Variants in CAMK2G observed in about 807,000 individuals in gnomAD.
The protein encoded by CAMK2G is calcium/calmodulin-dependent protein kinase type II subunit gamma.
A neutral mutation model predicts 88.7 loss-of-function variants in CAMK2G; 23 were observed. The observed-to-expected ratio is 0.26, with a 90% confidence interval of 0.19 to 0.37. CAMK2G has a LOEUF of 0.37. Among genes scored for constraint, CAMK2G ranks in the 10% least tolerant of loss-of-function variants. The pLI is 1.00. For synonymous variants in CAMK2G, 263 were observed against 294.8 expected, an observed-to-expected ratio of 0.89 and a Z score of 1.11; for missense variants, 476 against 780.8, an observed-to-expected ratio of 0.61 and a Z score of 4.65.
chr10:73,821,372 C>CG (rs1157454584), intron 18 of CAMK2G, among the ~76,000 whole-genome samples: 2 of 152,126 alleles, frequency 1.3e-5, no homozygotes, highest in Non-Finnish European at 2.9e-5. Flanking sequence ...ACTTGGGGTA[C>CG]CCCTGTTCTT....
At position 73,842,721 on chromosome 10, in the gene CAMK2G, T is replaced by C. The variant is rs1049455510; in HGVS notation, c.820-180A>G. On this transcript the variant is annotated intron_variant, in intron 10 of 22. Coordinates refer to ENST00000423381, the MANE Select transcript of CAMK2G (RefSeq NM_001367534.1). The surrounding 1 kb of genome is among the most constrained non-coding windows in gnomAD (Gnocchi z 4.6). Reference sequence around the variant, plus strand: ...TTAGAATAAAAGCACTACCCGAAACTCAAGGTTACATAAGGACAACATGAA... The same window carrying C: ...TTAGAATAAAAGCACTACCCGAAACCCAAGGTTACATAAGGACAACATGAA... 2.6e-5 allele frequency among the ~76,000 whole-genome samples: 4 copies of C among 152,046 alleles called. No individual in the cohort carries two copies. The South Asian group carries it at 6.2e-4, about 24-fold the overall frequency.
chr10:73,839,963 C>T lies in CAMK2G; in HGVS notation c.947-362G>A, dbSNP rs916106420. 2.6e-5 allele frequency among the ~76,000 whole-genome samples: 4 copies of T among 152,190 alleles called. No homozygotes were observed. The highest frequency in any genetic ancestry group is 1.9e-4 in the East Asian group (1 of 5,184). On this transcript the variant is annotated intron_variant, in intron 12 of 22. Transcript: ENST00000423381. The surrounding 1 kb of genome is among the most constrained non-coding windows in gnomAD (Gnocchi z 4.2). The stretch of plus-strand genomic sequence containing the variant: ...GCCCTAGCTTAAGGCTGTGATGAAA[C>T]GCCCTCCCTTCTAGTCCTTCCCTCC...
intron 2 of CAMK2G, among the ~76,000 whole-genome samples, chr10:73,865,880 C>A (rs1362220386): frequency 6.6e-6 from 1 of 151,996 alleles, no homozygotes; most frequent in East Asian, 1.9e-4. Context: ...CAGCCCAGCC[C>A]CCCCCTTCCT....
intron 15 of CAMK2G, among the ~76,000 whole-genome samples, chr10:73,827,636 G>A (rs563481639): frequency 5.9e-5 from 9 of 152,286 alleles, no homozygotes; most frequent in Non-Finnish European, 1.0e-4. Flanking sequence ...GGATTTGCAC[G>A]GGGGCAGAGC....
At chr10:73,843,577 A>G (rs965225582) in intron 10 of CAMK2G, among the ~76,000 whole-genome samples, 75 of 152,120 alleles carry the variant, frequency 4.9e-4, no homozygotes, top group African/African-American at 1.7e-3. Context: ...CCAGAACAGA[A>G]TATTTCCCCC....
chr10:73,858,672 G>A (rs2095217944), intron 3 of CAMK2G, among the ~76,000 whole-genome samples: 1 of 152,226 alleles, frequency 6.6e-6, no homozygotes, highest in Non-Finnish European at 1.5e-5. Context: ...TGGCCTCTGA[G>A]CAGACGGCCA....
At chr10:73,832,383 C>T (rs960901304) in intron 14 of CAMK2G, among the ~76,000 whole-genome samples, 10 of 151,896 alleles carry the variant, frequency 6.6e-5, no homozygotes, top group East Asian at 1.9e-4. Context: ...CTTGGCTCAC[C>T]GCAACCTCCG....
chr10:73,868,094 TG>T (rs1203775544), intron 2 of CAMK2G, among the ~76,000 whole-genome samples: 2 of 152,152 alleles, frequency 1.3e-5, no homozygotes, highest in African/African-American at 4.8e-5. Context: ...AGGCCCTTGT[TG>T]GTCTGCCAAA....
Position 73,874,466 on chromosome 10 carries a change from G to A in CAMK2G, c.-5C>T. ...GCAGGTGGCGGTGGTGGCCATGCTG[G>A]CGGGCGGGCGGACGCGGCGGTGCAG... On this transcript the variant is annotated 5_prime_UTR_variant, in exon 1 of 23. Transcript: ENST00000423381. The A allele has an allele frequency of 6.7e-7, 1 of 1,494,530 alleles. No individual in the cohort carries two copies. Among genetic ancestry groups the A allele is most frequent in the Non-Finnish European group, 9.0e-7 (1 of 1,111,546 alleles). The allele number at this position is 1,494,530 out of a possible 1,614,324, so 92.6% of individuals were successfully genotyped here. A position where few individuals can be genotyped will look rare whatever the true frequency, so the allele number is the denominator to read the frequency against.
intron 20 of CAMK2G, 26 bp downstream of exon 20, chr10:73,817,453 A>C (rs768747078): frequency 1.3e-6 from 2 of 1,502,930 alleles, no homozygotes; most frequent in Non-Finnish European, 1.9e-6. Context: ...GACTTAGGTC[A>C]CAAAAAAAAA....
At chr10:73,852,524 C>T (rs1239691439) in intron 4 of CAMK2G, 1 of 558,744 alleles carries the variant, frequency 1.8e-6, no homozygotes, top group Non-Finnish European at 3.2e-6. Context: ...TCCCTTCCTT[C>T]CGGACATTTC....
chr10:73,823,969 G>C, intron 17 of CAMK2G, 71 bp downstream of exon 17: 4 of 1,207,626 alleles, frequency 3.3e-6, no homozygotes, highest in Non-Finnish European at 4.9e-6. Flanking sequence ...GCAGCCTGTA[G>C]ACCCCTGGGA....
At chr10:73,866,434 G>A (rs907547056) in intron 2 of CAMK2G, among the ~76,000 whole-genome samples, 4 of 151,946 alleles carry the variant, frequency 2.6e-5, no homozygotes, top group Admixed American at 6.6e-5. Context: ...CCCTCTCAGG[G>A]ATGGGCCTGC....
rs1207380323 is a variant in CAMK2G, at chr10:73,839,996, C to T, written c.947-395G>A. On this transcript the variant is annotated intron_variant, in intron 12 of 22. Coordinates refer to ENST00000423381, the MANE Select transcript of CAMK2G (RefSeq NM_001367534.1). The surrounding 1 kb of genome is among the most constrained non-coding windows in gnomAD (Gnocchi z 4.2). ...CTTCTAGTCCTTCCCTCCCTAGAAG[C>T]TAAATGAGCCCACGATGAGAGTGCC... Among the ~76,000 whole-genome samples, 1 of 152,164 alleles carries T rather than the reference C, an allele frequency of 6.6e-6. No individual in the cohort carries two copies. The highest frequency in any genetic ancestry group is 1.5e-5 in the Non-Finnish European group (1 of 68,004).
At chr10:73,859,490 G>A (rs982805638) in intron 3 of CAMK2G, among the ~76,000 whole-genome samples, 3 of 152,238 alleles carry the variant, frequency 2.0e-5, no homozygotes, top group African/African-American at 7.2e-5. Context: ...TGTTCTAGGT[G>A]TTTCCCTCTG....
chr10:73,853,243 C>G lies in CAMK2G; in HGVS notation c.224G>C (p.Arg75Pro). ...CRLLKHPNIV[R>P]LHDSISEEGF... ...TTCTTCAGAAATACTGTCATGGAGG[C>G]GCACTGCAAGAGAGGAGATGGGGAC... The change falls in exon 4 of 23, where the codon CGC becomes CCC. Residue 75 changes from arginine to proline, a missense_variant. By Grantham distance (103) the Arg-to-Pro change is moderately radical. This residue lies in a region of CAMK2G where 164 missense variants were observed against 385.6 expected (regional missense o/e 0.43). Coordinates refer to ENST00000423381, the MANE Select transcript of CAMK2G (RefSeq NM_001367534.1). 1 of 1,613,720 alleles carries G rather than the reference C, an allele frequency of 6.2e-7. No homozygotes were observed. Among genetic ancestry groups the G allele is most frequent in the African/African-American group, 1.3e-5 (1 of 75,038 alleles).
At chr10:73,861,603 G>A (rs541020451) in intron 2 of CAMK2G, among the ~76,000 whole-genome samples, 4 of 152,224 alleles carry the variant, frequency 2.6e-5, no homozygotes, top group Non-Finnish European at 5.9e-5. Flanking sequence ...TGATCCACCC[G>A]CCTCGGCCTC....
At chr10:73,872,889 AG>A in intron 2 of CAMK2G, 99 bp downstream of exon 2, 1 of 813,558 alleles carries the variant, frequency 1.2e-6, no homozygotes, top group Non-Finnish European at 2.2e-6. Flanking sequence ...CTCCTCTCCA[AG>A]TGCTAAAACG....
chr10:73,839,028 C>T lies in CAMK2G; in HGVS notation c.1009+511G>A, dbSNP rs1415664161. 6.6e-6 allele frequency among the ~76,000 whole-genome samples: 1 copy of T among 152,180 alleles called. No individual in the cohort carries two copies. Among genetic ancestry groups the T allele is most frequent in the Non-Finnish European group, 1.5e-5 (1 of 68,024 alleles). On this transcript the variant is annotated intron_variant, in intron 13 of 22. Transcript: ENST00000423381. This position sits in a 1 kb window ranked among gnomAD's most constrained non-coding sequence, Gnocchi z 4.2. ...GCTGGGAGAGCTGGTGTGACTCGCT[C>T]AGGGTGTGGCAGGGCTAGGATGTGA...
Sources: gnomAD v4.1 joint callset for allele counts (sites outside exome capture counted in the v4.1 genomes callset) on GRCh38, gnomAD v4.1.1 for gene constraint, gnomAD v4.1.1 regional missense constraint, Gnocchi (gnomAD v3.1) non-coding constraint, MANE v1.5 for transcripts, NCBI Gene and HGNC (gene_info 2026-07-23, HGNC 2026-07-21) for gene names.